The following GALNT13 variants were observed in gnomAD, a reference collection of about 807,000 sequenced individuals.
The protein encoded by GALNT13 is UDP-GalNAc:polypeptide N-acetylgalactosaminyltransferase 13.
GALNT13 carries 28 observed loss-of-function variants against 64.2 expected under a neutral mutation model. The observed-to-expected ratio is 0.44, with a 90% CI of 0.32 to 0.60. GALNT13 has a LOEUF of 0.60. Ranked by LOEUF, GALNT13 falls within the 20% of genes least tolerant of loss-of-function variation. The pLI is 0.05. For synonymous variants in GALNT13, 214 were observed against 224.6 expected, an observed-to-expected ratio of 0.95 and a Z score of 0.42; for missense variants, 577 against 669.8, an observed-to-expected ratio of 0.86 and a Z score of 1.53.
chr2:154,399,329 G>A (rs1296345087), intron 10 of GALNT13, among the ~76,000 whole-genome samples: 1 of 152,084 alleles, frequency 6.6e-6, no homozygotes, highest in Non-Finnish European at 1.5e-5. Context: ...CTTAGATTGG[G>A]TAATTTATAA....
chr2:153,508,221 G>A, the GALNT13 span, among the ~76,000 whole-genome samples: 3 of 152,288 alleles, frequency 2.0e-5, no homozygotes, highest in East Asian at 1.9e-4. Flanking sequence ...CCCTAGGGTC[G>A]CCTGGTTATG....
chr2:154,111,431 A>C (rs1335354116), intron 3 of GALNT13, among the ~76,000 whole-genome samples: 1 of 152,148 alleles, frequency 6.6e-6, no homozygotes, highest in Non-Finnish European at 1.5e-5. Flanking sequence ...CGGGTCAATC[A>C]CCCCAGCCAA....
In GALNT13 at chr2:154,224,422, C is replaced by T. The variant is rs560712584; in HGVS notation, c.312-17608C>T. Among the ~76,000 whole-genome samples the T allele has an allele frequency of 9.9e-5, 15 of 151,532 alleles. 1 individual carries two copies. The South Asian group carries it at 2.3e-3, about 23-fold the overall frequency. On this transcript the variant is annotated intron_variant, in intron 4 of 12. Coordinates refer to ENST00000392825, the MANE Select transcript of GALNT13 (RefSeq NM_052917.4). ...TATACTCTGATAAGCATAAAACATT[C>T]GATGGATCAGAATGAATAAAGGGGC...
intron 6 of GALNT13, among the ~76,000 whole-genome samples, chr2:154,243,660 A>G (rs2105873553): frequency 6.6e-6 from 1 of 152,316 alleles, no homozygotes; most frequent in Admixed American, 6.5e-5. Context: ...TTTTTTAGCA[A>G]ATATTTATAA....
At chr2:153,082,790 A>G in the GALNT13 span, among the ~76,000 whole-genome samples, 1 of 145,826 alleles carries the variant, frequency 6.9e-6, no homozygotes, top group Non-Finnish European at 1.5e-5. Flanking sequence ...AATAAATAAA[A>G]TATATATTAT....
intron 4 of GALNT13, among the ~76,000 whole-genome samples, chr2:154,238,487 C>G (rs1689313141): frequency 6.6e-6 from 1 of 151,898 alleles, no homozygotes. Context: ...TAGATAAAAT[C>G]ATATCTTCCC....
the GALNT13 span, among the ~76,000 whole-genome samples, chr2:153,713,239 A>G: frequency 6.6e-6 from 1 of 152,214 alleles, no homozygotes; most frequent in African/African-American, 2.4e-5. Context: ...AAAATACATT[A>G]TAACACTTCC....
chr2:154,405,575 C>T (rs1699493688), intron 10 of GALNT13, among the ~76,000 whole-genome samples: 2 of 132,412 alleles, frequency 1.5e-5, no homozygotes, highest in African/African-American at 5.6e-5. Flanking sequence ...GATGTAACCC[C>T]ATCTCTTCTA....
chr2:153,409,376 G>GTATATA, the GALNT13 span, among the ~76,000 whole-genome samples: 13 of 121,786 alleles, frequency 1.1e-4, no homozygotes, highest in African/African-American at 4.3e-4. Context: ...TCATATGTGT[G>GTATATA]TATATATATA....
the GALNT13 span, among the ~76,000 whole-genome samples, chr2:153,422,803 T>C: frequency 6.6e-6 from 1 of 151,812 alleles, no homozygotes; most frequent in African/African-American, 2.4e-5. Flanking sequence ...ATAAATGAAA[T>C]TAAATCAGTA....
the GALNT13 span, among the ~76,000 whole-genome samples, chr2:153,280,163 A>G: frequency 2.6e-5 from 4 of 152,052 alleles, no homozygotes; most frequent in Non-Finnish European, 5.9e-5. Context: ...ATAGGTATGT[A>G]CATAATAGTC....
chr2:154,427,770 T>C (rs1255699185), intron 11 of GALNT13, among the ~76,000 whole-genome samples: 1 of 152,160 alleles, frequency 6.6e-6, no homozygotes, highest in Non-Finnish European at 1.5e-5. Flanking sequence ...CTGACCCTCC[T>C]CTGAACAAAC....
At chr2:153,615,122 C>T in the GALNT13 span, among the ~76,000 whole-genome samples, 1 of 152,064 alleles carries the variant, frequency 6.6e-6, no homozygotes, top group Non-Finnish European at 1.5e-5. Flanking sequence ...AAGTGAAAAA[C>T]ATACCATGTT....
chr2:153,280,253 C>CT, the GALNT13 span, among the ~76,000 whole-genome samples: 4 of 151,914 alleles, frequency 2.6e-5, no homozygotes, highest in South Asian at 6.2e-4. Context: ...GTGGATCTCT[C>CT]TTTTTTCCTT....
At chr2:153,790,895 T>C in the GALNT13 span, among the ~76,000 whole-genome samples, 3 of 152,072 alleles carry the variant, frequency 2.0e-5, no homozygotes, top group African/African-American at 7.2e-5. Context: ...CAGCTAACTA[T>C]GGAGGTGAAA....
At chr2:153,156,445 C>T in the GALNT13 span, among the ~76,000 whole-genome samples, 5 of 152,138 alleles carry the variant, frequency 3.3e-5, no homozygotes, top group South Asian at 2.1e-4. Flanking sequence ...ATTACATCTT[C>T]CTGGGGGAAG....
chr2:153,945,868 CTT>C (rs1280790916), intron 3 of GALNT13, among the ~76,000 whole-genome samples: 1 of 152,094 alleles, frequency 6.6e-6, no homozygotes, highest in Non-Finnish European at 1.5e-5. Flanking sequence ...GCTTCCTTGT[CTT>C]TTAAAATGGA....
the GALNT13 span, among the ~76,000 whole-genome samples, chr2:153,548,266 G>T: frequency 6.6e-6 from 1 of 152,120 alleles, no homozygotes; most frequent in Non-Finnish European, 1.5e-5. Context: ...CAGCAATGTT[G>T]ATCTGCTCCG....
the GALNT13 span, among the ~76,000 whole-genome samples, chr2:153,220,887 T>C: frequency 3.3e-5 from 5 of 152,272 alleles, no homozygotes; most frequent in East Asian, 1.9e-4. Context: ...GGTCTAAATA[T>C]ACCAATTAAA....
Sources: gnomAD v4.1 joint callset for allele counts (sites outside exome capture counted in the v4.1 genomes callset) on GRCh38, gnomAD v4.1.1 for gene constraint, MANE v1.5 for transcripts, NCBI Gene and HGNC (gene_info 2026-07-23, HGNC 2026-07-21) for gene names.